Variants in L3MBTL4 observed in about 807,000 individuals in gnomAD.
L3MBTL4 encodes the protein L3MBTL histone methyl-lysine binding protein 4, also known as lethal(3)malignant brain tumor-like protein 4.
In L3MBTL4, 70 loss-of-function variants were observed where a neutral mutation model predicts 84.5. The observed-to-expected ratio is 0.83, with a 90% CI of 0.68 to 1.01. The LOEUF (loss-of-function observed/expected upper bound fraction) is 1.01, where lower values mean the gene tolerates loss of function less well. Among genes scored for constraint, L3MBTL4 ranks in the 50% least tolerant of loss-of-function variants. The probability of loss-of-function intolerance (pLI) is 0.00; values close to 1 mark genes in which losing one functional copy is unlikely to be tolerated. For missense variants in L3MBTL4, 715 were observed against 754.8 expected (o/e 0.95, Z 0.62); for synonymous variants, 274 against 259.8 (o/e 1.05, Z -0.52).
intron 1 of L3MBTL4, among the ~76,000 whole-genome samples, chr18:6,324,337 G>A (rs1487336740): frequency 2.6e-5 from 4 of 152,212 alleles, no homozygotes; most frequent in Non-Finnish European, 1.5e-5. Context: ...GCTATGAGAA[G>A]AAGGCCACTG....
At chr18:6,213,506 G>A (rs558392440) in intron 11 of L3MBTL4, among the ~76,000 whole-genome samples, 15 of 152,192 alleles carry the variant, frequency 9.9e-5, no homozygotes, top group African/African-American at 2.6e-4. Flanking sequence ...TCCACCTTCC[G>A]GGTTCAAGCG....
intron 12 of L3MBTL4, among the ~76,000 whole-genome samples, chr18:6,196,358 C>G (rs547087433): frequency 2.0e-5 from 3 of 152,050 alleles, no homozygotes; most frequent in African/African-American, 4.8e-5. Context: ...GCGGTTTCAC[C>G]GTGTTGGCCA....
intron 16 of L3MBTL4, among the ~76,000 whole-genome samples, chr18:6,075,900 A>G (rs959987831): frequency 1.3e-5 from 2 of 152,230 alleles, no homozygotes; most frequent in Non-Finnish European, 2.9e-5. Flanking sequence ...GTTCAAGCTC[A>G]TTAGGCCTCA....
At chr18:5,965,708 G>C (rs973506486) in intron 17 of L3MBTL4, among the ~76,000 whole-genome samples, 3 of 152,136 alleles carry the variant, frequency 2.0e-5, no homozygotes, top group African/African-American at 7.2e-5. Context: ...ACCCATCAGA[G>C]ACTATTCCTG....
chr18:6,390,126 A>G (rs532847863), intron 1 of L3MBTL4, among the ~76,000 whole-genome samples: 15 of 152,300 alleles, frequency 9.8e-5, no homozygotes, highest in African/African-American at 3.4e-4. Flanking sequence ...GAATAAAACT[A>G]GAAATCAACT....
chr18:6,353,700 A>C (rs1197600028), intron 1 of L3MBTL4, among the ~76,000 whole-genome samples: 1 of 152,156 alleles, frequency 6.6e-6, no homozygotes, highest in Admixed American at 6.5e-5. Context: ...AGGTAGAAAT[A>C]AAATTAAATA....
chr18:5,982,811 T>C (rs552422547), intron 16 of L3MBTL4, among the ~76,000 whole-genome samples: 19 of 152,332 alleles, frequency 1.2e-4, no homozygotes, highest in African/African-American at 4.6e-4. Context: ...TTAATTAATT[T>C]ACTATGTTTT....
At chr18:6,319,748 G>A (rs1252049071) in intron 1 of L3MBTL4, among the ~76,000 whole-genome samples, 1 of 152,096 alleles carries the variant, frequency 6.6e-6, no homozygotes, top group East Asian at 1.9e-4. Context: ...GAAAGACTGA[G>A]AAAGAGGAAA....
At chr18:6,099,608 G>GAGAGAGAGA (rs1598744783) in intron 14 of L3MBTL4, among the ~76,000 whole-genome samples, 2 of 34,524 alleles carry the variant, frequency 5.8e-5, no homozygotes, top group East Asian at 4.0e-3. Context: ...ATATATATAT[G>GAGAGAGAGA]GAGAGAGAGA....
intron 10 of L3MBTL4, among the ~76,000 whole-genome samples, chr18:6,237,445 C>CTTTTTTTTTTTTTT (rs1173599586): frequency 1.1e-5 from 1 of 88,886 alleles, no homozygotes; most frequent in African/African-American, 4.7e-5. Context: ...CCTAGTACAT[C>CTTTTTTTTTTTTTT]TTTTTTTTTT....
chr18:5,967,208 C>CT (rs2052396785), intron 17 of L3MBTL4, among the ~76,000 whole-genome samples: 1 of 152,254 alleles, frequency 6.6e-6, no homozygotes, highest in African/African-American at 2.4e-5. Context: ...TCCTGGGTTA[C>CT]TTTCCTCTGT....
intron 11 of L3MBTL4, 68 bp from the exon 12 acceptor site, chr18:6,213,327 T>G (rs1341344430): frequency 1.2e-6 from 1 of 827,386 alleles, no homozygotes; most frequent in Non-Finnish European, 1.9e-6. Flanking sequence ...TACTAATTTT[T>G]TCTAAAATAC....
Position 6,157,565 on chromosome 18 carries a change from C to T in L3MBTL4, c.1096+14263G>A, listed in dbSNP as rs533334581. Among the ~76,000 whole-genome samples the T allele has an allele frequency of 1.5e-3, 225 of 152,164 alleles. 1 individual carries two copies. The highest frequency in any genetic ancestry group is 6.8e-3 in the Middle Eastern group (2 of 294). ...ATGTACCAGCCATATGGTGTATTTA[C>T]AAGTCATTCTGTTGTATTTATATAC... On this transcript the variant is annotated intron_variant, in intron 13 of 18. Transcript: ENST00000317931.
At chr18:5,959,455 C>T (rs1251945364) in intron 18 of L3MBTL4, among the ~76,000 whole-genome samples, 1 of 152,174 alleles carries the variant, frequency 6.6e-6, no homozygotes, top group African/African-American at 2.4e-5. Context: ...GTAGCTGGTC[C>T]AGTCTCTTCC....
chr18:6,228,873 A>G (rs2046884554), intron 10 of L3MBTL4, among the ~76,000 whole-genome samples: 1 of 152,168 alleles, frequency 6.6e-6, no homozygotes, highest in Admixed American at 6.5e-5. Flanking sequence ...GCAACAAAGC[A>G]ATATCTTCAA....
At chr18:5,963,426 C>T (rs2052163249) in intron 17 of L3MBTL4, among the ~76,000 whole-genome samples, 1 of 152,194 alleles carries the variant, frequency 6.6e-6, no homozygotes, top group South Asian at 2.1e-4. Flanking sequence ...AAAGCGTCAA[C>T]AGAGCAGACG....
intron 1 of L3MBTL4, among the ~76,000 whole-genome samples, chr18:6,360,747 T>C (rs559315797): frequency 1.3e-5 from 2 of 152,118 alleles, no homozygotes; most frequent in East Asian, 1.9e-4. Context: ...CCCAACACTT[T>C]GAGAGGACAA....
intron 12 of L3MBTL4, among the ~76,000 whole-genome samples, chr18:6,190,511 CGATT>C (rs1265363787): frequency 6.6e-6 from 1 of 152,014 alleles, no homozygotes; most frequent in Non-Finnish European, 1.5e-5. Flanking sequence ...ATAATGAGAT[CGATT>C]CAGAATTTAT....
At chr18:6,153,845 T>C (rs1568212229) in intron 13 of L3MBTL4, among the ~76,000 whole-genome samples, 1 of 152,212 alleles carries the variant, frequency 6.6e-6, no homozygotes, top group Non-Finnish European at 1.5e-5. Flanking sequence ...CCTTCTGCCA[T>C]GATTGTAAGT....
Sources: gnomAD v4.1 joint callset for allele counts (sites outside exome capture counted in the v4.1 genomes callset) on GRCh38, gnomAD v4.1.1 for gene constraint, MANE v1.5 for transcripts, NCBI Gene and HGNC (gene_info 2026-07-23, HGNC 2026-07-21) for gene names.